UNC13C: variants seen among roughly 807,000 people sequenced by gnomAD.
UNC13C encodes the protein protein unc-13 homolog C.
UNC13C carries 174 observed loss-of-function variants against 245.4 expected under a neutral mutation model. That is an observed-to-expected ratio of 0.71 (90% CI 0.63 to 0.80). The LOEUF is 0.80. Ranked by LOEUF, UNC13C falls within the 30% of genes least tolerant of loss-of-function variation. UNC13C has a pLI of 0.00. For missense variants in UNC13C, 2,829 were observed against 2,602.9 expected (o/e 1.09, Z -1.89); for synonymous variants, 992 against 895.1 (o/e 1.11, Z -1.93).
At chr15:54,278,279 T>C (rs969473952) in intron 10 of UNC13C, among the ~76,000 whole-genome samples, 7 of 152,144 alleles carry the variant, frequency 4.6e-5, no homozygotes. Flanking sequence ...CCAAGAAAAT[T>C]CTTAACAGCC....
intron 19 of UNC13C, among the ~76,000 whole-genome samples, chr15:54,445,567 T>A (rs1052265645): frequency 1.3e-5 from 2 of 152,232 alleles, no homozygotes; most frequent in Non-Finnish European, 2.9e-5. Flanking sequence ...CAATTTTTCA[T>A]GTGTCTGTTG....
intron 4 of UNC13C, among the ~76,000 whole-genome samples, chr15:54,176,635 A>T (rs2033625219): frequency 6.6e-6 from 1 of 152,178 alleles, no homozygotes; most frequent in Admixed American, 6.5e-5. Flanking sequence ...ACCAGGGAGC[A>T]TGAAACATAA....
chr15:54,460,825 A>C (rs1428474297), intron 19 of UNC13C, among the ~76,000 whole-genome samples: 1 of 152,194 alleles, frequency 6.6e-6, no homozygotes, highest in Non-Finnish European at 1.5e-5. Context: ...TGTCCATCCA[A>C]GTGGGAGCTG....
chr15:54,449,571 T>C (rs1891048129), intron 19 of UNC13C, among the ~76,000 whole-genome samples: 1 of 152,256 alleles, frequency 6.6e-6, no homozygotes, highest in South Asian at 2.1e-4. Flanking sequence ...TCAAATCAGC[T>C]ACTGAAGCTT....
intron 19 of UNC13C, among the ~76,000 whole-genome samples, chr15:54,449,569 G>C (rs1212614802): frequency 1.3e-5 from 2 of 152,116 alleles, no homozygotes; most frequent in East Asian, 3.8e-4. Flanking sequence ...GATCAAATCA[G>C]CTACTGAAGC....
chr15:54,326,156 T>C (rs533262367), intron 14 of UNC13C, among the ~76,000 whole-genome samples: 11 of 152,090 alleles, frequency 7.2e-5, no homozygotes, highest in Non-Finnish European at 1.5e-4. Context: ...GCTTTTGATA[T>C]AGAAGTGAAA....
chr15:53,868,632 C>G, the UNC13C span, among the ~76,000 whole-genome samples: 3 of 152,120 alleles, frequency 2.0e-5, no homozygotes, highest in Admixed American at 6.5e-5. Flanking sequence ...CTGTTTAAGT[C>G]ACAGGCAGTT....
At chr15:54,425,721 T>C (rs1282111300) in intron 19 of UNC13C, among the ~76,000 whole-genome samples, 2 of 151,862 alleles carry the variant, frequency 1.3e-5, no homozygotes, top group Non-Finnish European at 2.9e-5. Context: ...TAGCCAGCTA[T>C]TTTTTCCTCT....
chr15:54,021,239 AT>A (rs1895892456), intron 2 of UNC13C, among the ~76,000 whole-genome samples: 1 of 152,150 alleles, frequency 6.6e-6, no homozygotes, highest in Non-Finnish European at 1.5e-5. Flanking sequence ...CAATGTTATT[AT>A]TGACTGTGGT....
chr15:54,470,886 A>G (rs1261227129), intron 19 of UNC13C, among the ~76,000 whole-genome samples: 1 of 151,270 alleles, frequency 6.6e-6, no homozygotes, highest in Non-Finnish European at 1.5e-5. Flanking sequence ...TTATTGCTAT[A>G]TATTTCCCTC....
intron 2 of UNC13C, among the ~76,000 whole-genome samples, chr15:54,142,778 T>A (rs1400777138): frequency 6.6e-6 from 1 of 152,204 alleles, no homozygotes; most frequent in Non-Finnish European, 1.5e-5. Flanking sequence ...TATAACACAT[T>A]GTCTTTCATT....
At chr15:54,345,970 C>A (rs957266386) in intron 17 of UNC13C, among the ~76,000 whole-genome samples, 1 of 152,196 alleles carries the variant, frequency 6.6e-6, no homozygotes, top group Admixed American at 6.5e-5. Context: ...AAACAGCTAA[C>A]CGCAGCTCAG....
intron 30 of UNC13C, among the ~76,000 whole-genome samples, chr15:54,577,952 A>C (rs1435262117): frequency 3.3e-5 from 5 of 152,172 alleles, no homozygotes; most frequent in Admixed American, 3.3e-4. Flanking sequence ...TCCTCTTTGG[A>C]GTGAGAGAAA....
chr15:54,473,056 A>G (rs1049242461), intron 19 of UNC13C, among the ~76,000 whole-genome samples: 12 of 151,224 alleles, frequency 7.9e-5, no homozygotes, highest in Admixed American at 2.0e-4. Context: ...TGTTGTTGCC[A>G]TCTTTATTTC....
rs565253424 is a variant in UNC13C at position 54,282,663 on chromosome 15, G to T, written c.3819-11232G>T. Among the ~76,000 whole-genome samples the T allele has an allele frequency of 2.5e-4, 38 of 152,286 alleles. 2 individuals are homozygous for T. The South Asian group carries it at 7.7e-3, about 31-fold the overall frequency. Reference sequence around the variant, plus strand: ...GGGTGGGTGCCCTCTGCTGACAAGTGCAAGGGGCCAGTGTGACAGCCTTTT... The same window carrying T: ...GGGTGGGTGCCCTCTGCTGACAAGTTCAAGGGGCCAGTGTGACAGCCTTTT... On this transcript the variant is annotated intron_variant, in intron 10 of 32. Transcript: ENST00000260323.
At chr15:54,057,761 C>G (rs1897604806) in intron 2 of UNC13C, among the ~76,000 whole-genome samples, 1 of 152,206 alleles carries the variant, frequency 6.6e-6, no homozygotes, top group Non-Finnish European at 1.5e-5. Context: ...AACAAACTGT[C>G]TCTCAGACCA....
intron 4 of UNC13C, among the ~76,000 whole-genome samples, chr15:54,161,993 AGG>A: frequency 6.6e-6 from 1 of 152,116 alleles, no homozygotes; most frequent in Non-Finnish European, 1.5e-5. Flanking sequence ...TGTGTCACAG[AGG>A]GATTTGTGAT....
intron 30 of UNC13C, among the ~76,000 whole-genome samples, chr15:54,574,072 C>T (rs1897863320): frequency 6.6e-6 from 1 of 152,192 alleles, no homozygotes; most frequent in Non-Finnish European, 1.5e-5. Context: ...TATATTTTTA[C>T]TGGTGAAGAA....
At chr15:54,614,108 C>T (rs896198099) in intron 30 of UNC13C, among the ~76,000 whole-genome samples, 2 of 151,882 alleles carry the variant, frequency 1.3e-5, no homozygotes, top group Admixed American at 6.6e-5. Context: ...CAATAATGTT[C>T]GTGTTCTTCT....
Sources: gnomAD v4.1 joint callset for allele counts (sites outside exome capture counted in the v4.1 genomes callset) on GRCh38, gnomAD v4.1.1 for gene constraint, MANE v1.5 for transcripts, NCBI Gene and HGNC (gene_info 2026-07-23, HGNC 2026-07-21) for gene names.